PDE4D: variants seen among roughly 807,000 people sequenced by gnomAD.
PDE4D encodes 3',5'-cyclic-AMP phosphodiesterase 4D.
Under a neutral mutation model 87.4 loss-of-function variants are expected in PDE4D, and 24 were observed. The ratio of observed to expected loss-of-function variants is 0.27; its 90% CI spans 0.20 to 0.39. The LOEUF is 0.39. Ranked by LOEUF, PDE4D falls within the 10% of genes least tolerant of loss-of-function variation. PDE4D has a pLI of 1.00. For missense variants in PDE4D, 714 were observed against 1,041.0 expected (o/e 0.69, Z 4.32); for synonymous variants, 384 against 383.2 (o/e 1.00, Z -0.02).
intron 1 of PDE4D, among the ~76,000 whole-genome samples, chr5:60,441,827 CG>C (rs1745238534): frequency 1.3e-5 from 2 of 151,880 alleles, no homozygotes. Context: ...CCCCTGCAAA[CG>C]TATGAAAAAA....
At chr5:60,113,819 G>A (rs1417928141) in intron 2 of PDE4D, among the ~76,000 whole-genome samples, 2 of 151,876 alleles carry the variant, frequency 1.3e-5, no homozygotes, top group East Asian at 1.9e-4. Flanking sequence ...TAAACAACAA[G>A]AACAAAAAAA....
intron 2 of PDE4D, among the ~76,000 whole-genome samples, chr5:60,093,214 G>A (rs1187757926): frequency 6.6e-6 from 1 of 152,200 alleles, no homozygotes; most frequent in African/African-American, 2.4e-5. Context: ...TGTGCTGGGT[G>A]CTATACATCT....
intron 2 of PDE4D, among the ~76,000 whole-genome samples, chr5:60,058,448 C>A (rs893067075): frequency 6.6e-6 from 1 of 152,004 alleles, no homozygotes; most frequent in South Asian, 2.1e-4. Flanking sequence ...TTATAAATTA[C>A]AAAATCTTAC....
At chr5:59,812,806 A>G (rs1373765170) in intron 1 of PDE4D, among the ~76,000 whole-genome samples, 1 of 152,250 alleles carries the variant, frequency 6.6e-6, no homozygotes, top group African/African-American at 2.4e-5. Context: ...GCACAAGCTG[A>G]TATTATTTTG....
upstream of PDE4D, chr5:60,489,742 A>C (rs1583922650): frequency 6.6e-6 from 1 of 152,224 alleles, no homozygotes; most frequent in Non-Finnish European, 1.5e-5. Flanking sequence ...CTTTACTCAG[A>C]GATAACATAG....
Position 59,692,013 on chromosome 5 carries a change from T to C in PDE4D, c.455+201155A>G, listed in dbSNP as rs1193264687. Among the ~76,000 whole-genome samples, 2 of 152,110 alleles carry C rather than the reference T, an allele frequency of 1.3e-5. 1 individual carries two copies. Among genetic ancestry groups the C allele is most frequent in the East Asian group, 3.9e-4 (2 of 5,190 alleles). ...TTGGCTATAAGTAGGTCATAGATAT[T>C]TACGTTTCTTGTTAAAATATATGAT... is the stretch of plus-strand genomic sequence containing the variant. On this transcript the variant is annotated intron_variant, in intron 1 of 14. Coordinates refer to ENST00000340635, the MANE Select transcript of PDE4D (RefSeq NM_001104631.2).
intron 1 of PDE4D, among the ~76,000 whole-genome samples, chr5:59,599,699 C>A: frequency 6.6e-6 from 1 of 152,058 alleles, no homozygotes; most frequent in East Asian, 1.9e-4. Flanking sequence ...ATTGAACTTA[C>A]ATTTTCTCCC....
intron 1 of PDE4D, among the ~76,000 whole-genome samples, chr5:59,294,931 A>G (rs1053623559): frequency 6.6e-6 from 1 of 152,358 alleles, no homozygotes; most frequent in East Asian, 1.9e-4. Context: ...AGTTTAAAAG[A>G]GACTGTGGTA....
At chr5:60,389,330 G>A (rs184129248) in intron 1 of PDE4D, among the ~76,000 whole-genome samples, 30 of 152,196 alleles carry the variant, frequency 2.0e-4, no homozygotes, top group Non-Finnish European at 3.2e-4. Context: ...CAAAAGGTTG[G>A]CATATGTGCA....
intron 1 of PDE4D, among the ~76,000 whole-genome samples, chr5:59,384,673 C>T (rs73095433): frequency 0.04 from 6,111 of 152,062 alleles, 423 homozygotes; most frequent in African/African-American, 0.14. Flanking sequence ...GTCTGCAAAA[C>T]TATACTATAT....
intron 1 of PDE4D, among the ~76,000 whole-genome samples, chr5:59,228,233 T>C (rs915285839): frequency 6.6e-6 from 1 of 151,734 alleles, no homozygotes; most frequent in Non-Finnish European, 1.5e-5. Flanking sequence ...AGAGGAACAA[T>C]AGACACTGGG....
intron 2 of PDE4D, among the ~76,000 whole-genome samples, chr5:60,178,193 C>G (rs979412941): frequency 6.6e-6 from 1 of 152,114 alleles, no homozygotes; most frequent in Non-Finnish European, 1.5e-5. Flanking sequence ...TTTTAACTTA[C>G]GTCTATTCTG....
chr5:60,299,529 A>G (rs963572181), intron 1 of PDE4D, among the ~76,000 whole-genome samples: 1 of 151,894 alleles, frequency 6.6e-6, no homozygotes, highest in East Asian at 1.9e-4. Flanking sequence ...ATTACCTATT[A>G]TTCCTGATAC....
At chr5:59,429,905 A>G (rs1221993061) in intron 1 of PDE4D, among the ~76,000 whole-genome samples, 3 of 152,198 alleles carry the variant, frequency 2.0e-5, no homozygotes, top group Non-Finnish European at 4.4e-5. Flanking sequence ...TTAATGTGTT[A>G]TGATGCATTA....
At chr5:59,894,654 C>T (rs1346277062), upstream of PDE4D, among the ~76,000 whole-genome samples, 1 of 152,178 alleles carries the variant, frequency 6.6e-6, no homozygotes, top group Non-Finnish European at 1.5e-5. Flanking sequence ...TGATTATCTT[C>T]GGTAGTCTCT....
chr5:59,818,077 T>C (rs2938787), intron 1 of PDE4D, among the ~76,000 whole-genome samples: 21,520 of 152,138 alleles, frequency 0.14, 1,897 homozygotes, highest in Middle Eastern at 0.24. Context: ...AGCTCACATG[T>C]ATCCAAAGGC....
intron 1 of PDE4D, among the ~76,000 whole-genome samples, chr5:59,362,901 C>T (rs1217095453): frequency 2.0e-5 from 3 of 152,114 alleles, no homozygotes; most frequent in Admixed American, 1.3e-4. Context: ...GGATTTTTTC[C>T]GTGACTGTTC....
At chr5:59,526,685 G>A (rs569321333) in intron 1 of PDE4D, among the ~76,000 whole-genome samples, 10 of 152,232 alleles carry the variant, frequency 6.6e-5, no homozygotes, top group African/African-American at 1.4e-4. Context: ...ATGCAGTGGC[G>A]TGATCTCGGC....
At chr5:59,850,057 G>C (rs1423882668) in intron 1 of PDE4D, among the ~76,000 whole-genome samples, 2 of 152,012 alleles carry the variant, frequency 1.3e-5, no homozygotes, top group African/African-American at 4.8e-5. Flanking sequence ...ATTGATTAAC[G>C]TGTTGATTAG....
Sources: gnomAD v4.1 joint callset for allele counts (sites outside exome capture counted in the v4.1 genomes callset) on GRCh38, gnomAD v4.1.1 for gene constraint, MANE v1.5 for transcripts, NCBI Gene and HGNC (gene_info 2026-07-23, HGNC 2026-07-21) for gene names.